Variants in HDGF observed in about 807,000 individuals in gnomAD.
The protein encoded by HDGF is hepatoma-derived growth factor.
Under a neutral mutation model 30.0 loss-of-function variants are expected in HDGF, and 5 were observed. That is an observed-to-expected ratio of 0.17 (90% confidence interval 0.09 to 0.35). The LOEUF is 0.35. HDGF is among the 10% of genes least tolerant of loss of function. The probability of loss-of-function intolerance (pLI) is 1.00; values close to 1 mark genes in which losing one functional copy is unlikely to be tolerated. For missense variants in HDGF, 214 were observed against 302.8 expected, an observed-to-expected ratio of 0.71 and a Z score of 2.18; for synonymous variants, 133 against 112.7, an observed-to-expected ratio of 1.18 and a Z score of -1.14.
At chr1:156,751,926 C>T (rs1385984399), upstream of HDGF, 2 of 1,079,534 alleles carry the variant, frequency 1.9e-6, no homozygotes, top group Non-Finnish European at 2.6e-6. The surrounding 1 kb of genome is among the most constrained non-coding windows in gnomAD (Gnocchi z 4.7). Context: ...CCGAGCACGC[C>T]GAGCAGGCTT....
chr1:156,747,281 C>G lies in HDGF; in HGVS notation c.88-1908G>C, dbSNP rs370050920. 1.2e-3 allele frequency among the ~76,000 whole-genome samples: 162 copies of G among 138,084 alleles called. 4 individuals carry two copies. The East Asian group carries it at 0.033, about 28-fold the overall frequency. 90.6% of individuals were successfully genotyped at this position (138,084 alleles called of 152,430 possible). On this transcript the variant is annotated intron_variant, in intron 1 of 5. Transcript: ENST00000357325. ...CCCCCCCCGCCCCGCCGCCTTCTCT[C>G]CGGATTGGGGAGGAAGGGACACTAA... is the stretch of plus-strand genomic sequence containing the variant.
chr1:156,754,948 CAAAAA>C (rs1174853602), upstream of HDGF, among the ~76,000 whole-genome samples: 1 of 152,152 alleles, frequency 6.6e-6, no homozygotes, highest in Non-Finnish European at 1.5e-5. Flanking sequence ...ACCTCCGTCT[CAAAAA>C]CAAAACAAAA....
At chr1:156,748,791 C>T (rs1001862173) in intron 1 of HDGF, among the ~76,000 whole-genome samples, 18 of 152,210 alleles carry the variant, frequency 1.2e-4, no homozygotes, top group Non-Finnish European at 2.6e-4. Context: ...ACACCCAGGG[C>T]TGAGGCCTAA....
intron 1 of HDGF, among the ~76,000 whole-genome samples, chr1:156,747,705 C>A (rs1650682464): frequency 6.6e-6 from 1 of 152,110 alleles, no homozygotes; most frequent in Non-Finnish European, 1.5e-5. Flanking sequence ...TCAGTGCCCA[C>A]ACCTGAGCCA....
chr1:156,763,222 T>G (rs1351387013), intron 1 of HDGF, among the ~76,000 whole-genome samples: 2 of 152,180 alleles, frequency 1.3e-5, no homozygotes, highest in Non-Finnish European at 2.9e-5. Context: ...TCTCTTTTTT[T>G]TTTTTGTTTG....
chr1:156,765,472 C>CTTTTTTTTT (rs71080793), intron 1 of HDGF, among the ~76,000 whole-genome samples: 137 of 85,972 alleles, frequency 1.6e-3, no homozygotes, highest in South Asian at 2.7e-3. Context: ...TTCTTTCTTT[C>CTTTTTTTTT]TTTTTTTTTT....
chr1:156,744,557 AG>A, intron 3 of HDGF: 1 of 1,532,140 alleles, frequency 6.5e-7, no homozygotes, highest in East Asian at 2.5e-5. Context: ...GGCTCTGTGC[AG>A]GAGGGGGGAG....
At chr1:156,765,136 A>G (rs1278122298) in intron 1 of HDGF, among the ~76,000 whole-genome samples, 4 of 116,354 alleles carry the variant, frequency 3.4e-5, no homozygotes, top group Non-Finnish European at 6.8e-5. Context: ...CTTGTTGCCC[A>G]GGCTGGAGTG....
At position 156,745,280 on chromosome 1, in the gene HDGF, C is replaced by T. The variant is rs777132680; in HGVS notation, c.164+17G>A. 1.2e-5 allele frequency: 20 copies of T among 1,613,306 alleles called. No homozygotes were observed. In the African/African-American group the frequency reaches 2.5e-4, roughly 20 times the overall value. On this transcript the variant is annotated intron_variant, in intron 2 of 5. Transcript: ENST00000357325. ...CCCGGGGCCCTCCCGACCTATACCC[C>T]TTTGGCCTCCACTCACGTCTCGTGG... is the stretch of plus-strand genomic sequence containing the variant.
intron 1 of HDGF, among the ~76,000 whole-genome samples, chr1:156,764,615 A>T (rs909593342): frequency 6.6e-6 from 1 of 152,122 alleles, no homozygotes; most frequent in African/African-American, 2.4e-5. Flanking sequence ...CTTTTTGAGG[A>T]TTTATACCCA....
Position 156,745,116 on chromosome 1 carries a change from A to C in HDGF, c.195T>G (p.Pro65=), listed in dbSNP as rs761144247. 6.2e-7 allele frequency: 1 copy of C among 1,613,798 alleles called. No homozygotes were observed. Among genetic ancestry groups the C allele is most frequent in the Non-Finnish European group, 8.5e-7 (1 of 1,179,966 alleles). The change falls in exon 3 of 6, where the codon CCT becomes CCG. Residue 65 remains proline, a synonymous_variant. Coordinates refer to ENST00000357325, the MANE Select transcript of HDGF (RefSeq NM_004494.3). ...CAAACTTCTCCTTGGATTCCTCGTA[A>C]GGGAAGAGGTCTTTGGGGCCCAGGA... ...TAFLGPKDLF[P]YEESKEKFGK...
chr1:156,763,809 A>T (rs1041873082), intron 1 of HDGF, among the ~76,000 whole-genome samples: 2 of 152,084 alleles, frequency 1.3e-5, no homozygotes, highest in South Asian at 4.1e-4. Context: ...GCTGGTCTCG[A>T]ACTCCTGAGC....
In HDGF at chr1:156,744,411, G is replaced by T. The variant is rs755438484; in HGVS notation, c.304-63C>A. 8.8e-6 allele frequency: 14 copies of T among 1,595,724 alleles called. No homozygotes were observed. In the African/African-American group the frequency reaches 1.7e-4, roughly 20 times the overall value. ...GCTGCCATGCTGGGCCCCCTCCCCA[G>T]ACCCTCCCTCAGCCACTCACTCCTT... On this transcript the variant is annotated intron_variant, in intron 3 of 5. Coordinates refer to ENST00000357325, the MANE Select transcript of HDGF (RefSeq NM_004494.3).
In HDGF at chr1:156,762,652, C is replaced by A. The variant is rs1164853199; in HGVS notation, n.137-3433G>T. On this transcript the variant is annotated intron_variant and non_coding_transcript_variant, in intron 1 of 7. Coordinates refer to the HDGF transcript ENST00000465180. The stretch of plus-strand genomic sequence containing the variant: ...TTGGGAGGCTGAGGTAGTCGGATCA[C>A]CTGAGGTCAGGAGTTCGAGACCAGC... 2.0e-5 allele frequency among the ~76,000 whole-genome samples: 3 copies of A among 152,070 alleles called. No individual in the cohort carries two copies. The East Asian group carries it at 5.8e-4, about 29-fold the overall frequency.
At chr1:156,760,481 G>A (rs1651231414) in intron 1 of HDGF, among the ~76,000 whole-genome samples, 1 of 152,242 alleles carries the variant, frequency 6.6e-6, no homozygotes, top group South Asian at 2.1e-4. Flanking sequence ...GAGGACAGAT[G>A]GCAGGGTGGG....
Position 156,745,047 on chromosome 1 carries a change from C to T in HDGF, c.264G>A (p.Glu88=). ...KRKGFSEGLW[E]IENNPTVKAS... ...CCTTGACAGTAGGGTTGTTCTCGAT[C>T]TCCCACAGCCCCTCGCTGAACCCTT... is the stretch of plus-strand genomic sequence containing the variant. Residue 88 remains glutamate, a synonymous_variant, in exon 3 of 6, where the codon GAG becomes GAA. Transcript: ENST00000357325. 1 of 1,614,076 alleles carries T rather than the reference C, an allele frequency of 6.2e-7. No individual in the cohort carries two copies. Among genetic ancestry groups the T allele is most frequent in the Non-Finnish European group, 8.5e-7 (1 of 1,180,016 alleles).
chr1:156,751,457 G>A lies in HDGF; in HGVS notation c.-28C>T, dbSNP rs778658872. 9.9e-6 allele frequency: 15 copies of A among 1,508,418 alleles called. No individual in the cohort carries two copies. Among genetic ancestry groups the A allele is most frequent in the Non-Finnish European group, 1.3e-5 (15 of 1,122,642 alleles). The allele number at this position is 1,508,418 out of a possible 1,614,324, so 93.4% of individuals were successfully genotyped here. Reference sequence around the variant, plus strand: ...CGGGGCTCCGGGCGCCCCGGGCTCCGCGCCGGGCCGGGAAGCGCGAGCCCA... The same window carrying A: ...CGGGGCTCCGGGCGCCCCGGGCTCCACGCCGGGCCGGGAAGCGCGAGCCCA... On this transcript the variant is annotated 5_prime_UTR_variant, in exon 1 of 6. Coordinates refer to ENST00000357325, the MANE Select transcript of HDGF (RefSeq NM_004494.3). This position sits in a 1 kb window ranked among gnomAD's most constrained non-coding sequence, Gnocchi z 4.7.
intron 1 of HDGF, among the ~76,000 whole-genome samples, chr1:156,764,886 C>CA (rs555336967): frequency 2.2e-3 from 261 of 118,192 alleles, no homozygotes; most frequent in East Asian, 4.1e-3. Context: ...ACTCTATCTC[C>CA]AAAAAAAAAA....
At chr1:156,762,030 T>C (rs1462535663) in intron 1 of HDGF, among the ~76,000 whole-genome samples, 1 of 151,494 alleles carries the variant, frequency 6.6e-6, no homozygotes, top group Non-Finnish European at 1.5e-5. Flanking sequence ...AGGTCCCAGC[T>C]ACTCCTGAGG....
Sources: gnomAD v4.1 joint callset for allele counts (sites outside exome capture counted in the v4.1 genomes callset) on GRCh38, gnomAD v4.1.1 for gene constraint, Gnocchi (gnomAD v3.1) non-coding constraint, MANE v1.5 for transcripts, NCBI Gene and HGNC (gene_info 2026-07-23, HGNC 2026-07-21) for gene names.